Variants in COL5A2 observed in about 807,000 individuals in gnomAD.
The protein encoded by COL5A2 is collagen alpha-2(V) chain.
A neutral mutation model predicts 208.2 loss-of-function variants in COL5A2; 23 were observed. The ratio of observed to expected loss-of-function variants is 0.11; its 90% CI spans 0.08 to 0.16. The LOEUF is 0.16. Among genes scored for constraint, COL5A2 ranks in the 10% least tolerant of loss-of-function variants. The pLI, the probability that COL5A2 is intolerant of heterozygous loss-of-function variation, is 1.00. For missense variants in COL5A2, 1,590 were observed against 1,956.4 expected (o/e 0.81, Z 3.53); for synonymous variants, 625 against 628.5 (o/e 0.99, Z 0.08).
intron 3 of COL5A2, among the ~76,000 whole-genome samples, chr2:189,102,287 A>C (rs1199754180): frequency 6.6e-6 from 1 of 152,004 alleles, no homozygotes; most frequent in Non-Finnish European, 1.5e-5. Flanking sequence ...GGGGAATAGA[A>C]CTCTCTGATA....
intron 1 of COL5A2, among the ~76,000 whole-genome samples, chr2:189,184,972 A>G (rs532418252): frequency 3.2e-4 from 49 of 152,330 alleles, no homozygotes; most frequent in Admixed American, 2.9e-3. Flanking sequence ...TCCTAAATGC[A>G]ATGAGAAATC....
chr2:189,187,499 G>A (rs1447293731), intron 1 of COL5A2, among the ~76,000 whole-genome samples: 1 of 152,058 alleles, frequency 6.6e-6, no homozygotes, highest in African/African-American at 2.4e-5. Context: ...CTGAAAAATG[G>A]GGATAATAAT....
chr2:189,143,792 T>C (rs933554674), intron 1 of COL5A2, among the ~76,000 whole-genome samples: 1 of 152,126 alleles, frequency 6.6e-6, no homozygotes, highest in Non-Finnish European at 1.5e-5. Flanking sequence ...AAACAGGTCT[T>C]AAACTGGACT....
At chr2:189,165,940 GTTTA>G (rs904606396) in intron 1 of COL5A2, among the ~76,000 whole-genome samples, 3 of 152,160 alleles carry the variant, frequency 2.0e-5, no homozygotes, top group Non-Finnish European at 2.9e-5. Context: ...TTGTGACACA[GTTTA>G]TTTATTTATC....
chr2:189,210,204 T>G (rs980619443), intron 1 of COL5A2, among the ~76,000 whole-genome samples: 2 of 152,116 alleles, frequency 1.3e-5, no homozygotes, highest in Non-Finnish European at 2.9e-5. Flanking sequence ...TTTCTTCTTC[T>G]TTTTTGGAGG....
the COL5A2 span, among the ~76,000 whole-genome samples, chr2:189,272,346 T>C: frequency 1.3e-5 from 2 of 151,648 alleles, no homozygotes; most frequent in Non-Finnish European, 2.9e-5. Context: ...AAAGGATGAG[T>C]TCATGTCCTT....
At chr2:189,274,992 A>T in the COL5A2 span, among the ~76,000 whole-genome samples, 1 of 152,076 alleles carries the variant, frequency 6.6e-6, no homozygotes, top group East Asian at 1.9e-4. Flanking sequence ...TTACTTATGA[A>T]ATTCCACTTT....
At chr2:189,153,709 G>T (rs576226304) in intron 1 of COL5A2, among the ~76,000 whole-genome samples, 27 of 151,906 alleles carry the variant, frequency 1.8e-4, no homozygotes, top group Middle Eastern at 3.4e-3. Context: ...TCCCCTCTCT[G>T]GTATCTCTCT....
the COL5A2 span, among the ~76,000 whole-genome samples, chr2:189,320,626 A>T: frequency 9.9e-5 from 15 of 152,242 alleles, no homozygotes; most frequent in Non-Finnish European, 1.8e-4. Context: ...AAAAAGAATA[A>T]GAAGAAATCA....
intron 7 of COL5A2, among the ~76,000 whole-genome samples, chr2:189,089,061 C>T (rs897483541): frequency 6.6e-6 from 1 of 152,132 alleles, no homozygotes; most frequent in Non-Finnish European, 1.5e-5. Flanking sequence ...TTCTGATAAG[C>T]ACTAGCCAGT....
chr2:189,388,660 G>T, the COL5A2 span, among the ~76,000 whole-genome samples: 1 of 152,130 alleles, frequency 6.6e-6, no homozygotes, highest in Non-Finnish European at 1.5e-5. Context: ...GTCATATAGG[G>T]TTTAAGTGGG....
chr2:189,437,106 A>G, the COL5A2 span, among the ~76,000 whole-genome samples: 1 of 152,218 alleles, frequency 6.6e-6, no homozygotes, highest in Non-Finnish European at 1.5e-5. Flanking sequence ...GCTACTGATT[A>G]TAAGCAGAAT....
chr2:189,379,520 G>A, the COL5A2 span, among the ~76,000 whole-genome samples: 1 of 151,976 alleles, frequency 6.6e-6, no homozygotes. Flanking sequence ...AGGGTGCAGA[G>A]GTACCTAAGG....
the COL5A2 span, among the ~76,000 whole-genome samples, chr2:189,346,689 T>G: frequency 1.5e-4 from 23 of 152,282 alleles, no homozygotes; most frequent in African/African-American, 5.3e-4. Flanking sequence ...TGGAAGAAAC[T>G]GGTTTCACAG....
intron 44 of COL5A2, 96 bp from the exon 45 acceptor site, chr2:189,048,358 GT>G: frequency 1.8e-6 from 2 of 1,097,384 alleles, no homozygotes; most frequent in Non-Finnish European, 2.8e-6. Context: ...TTACACCTGT[GT>G]TTTATAAACT....
chr2:189,298,857 T>A, the COL5A2 span, among the ~76,000 whole-genome samples: 5,614 of 152,256 alleles, frequency 0.037, 118 homozygotes, highest in Admixed American at 0.05. Flanking sequence ...AACCTATTCA[T>A]TTCATATAAG....
At chr2:189,381,051 T>C in the COL5A2 span, among the ~76,000 whole-genome samples, 1 of 152,028 alleles carries the variant, frequency 6.6e-6, no homozygotes, top group African/African-American at 2.4e-5. Flanking sequence ...ATTACAGCTA[T>C]AGAACTAAAT....
At chr2:189,156,985 T>A (rs1475718723) in intron 1 of COL5A2, among the ~76,000 whole-genome samples, 1 of 151,964 alleles carries the variant, frequency 6.6e-6, no homozygotes, top group Non-Finnish European at 1.5e-5. Flanking sequence ...AATATGACTA[T>A]GTAATAGTTC....
At chr2:189,249,077 A>C in the COL5A2 span, among the ~76,000 whole-genome samples, 1 of 152,160 alleles carries the variant, frequency 6.6e-6, no homozygotes, top group Non-Finnish European at 1.5e-5. Flanking sequence ...ACCAAAAAAG[A>C]TTTTATTAAA....
Sources: allele counts gnomAD v4.1 joint callset (sites outside exome capture counted in the v4.1 genomes callset), GRCh38; gene constraint gnomAD v4.1.1; transcripts MANE v1.5; gene names NCBI Gene and HGNC (gene_info 2026-07-23, HGNC 2026-07-21).